Variants in MAGI2 observed in about 807,000 individuals in gnomAD.
The protein encoded by MAGI2 is membrane associated guanylate kinase, WW and PDZ domain containing 2, also known as membrane-associated guanylate kinase, WW and PDZ domain-containing protein 2.
A neutral mutation model predicts 133.3 loss-of-function variants in MAGI2; 35 were observed. The ratio of observed to expected loss-of-function variants is 0.26; its 90% CI spans 0.20 to 0.35. The LOEUF (loss-of-function observed/expected upper bound fraction) is 0.35, where lower values mean the gene tolerates loss of function less well. Ranked by LOEUF, MAGI2 falls within the 10% of genes least tolerant of loss-of-function variation. The probability of loss-of-function intolerance (pLI) is 1.00; values close to 1 mark genes in which losing one functional copy is unlikely to be tolerated. For synonymous variants in MAGI2, 729 were observed against 710.6 expected (o/e 1.03, Z -0.41); for missense variants, 1,636 against 1,863.4 (o/e 0.88, Z 2.25).
intron 2 of MAGI2, among the ~76,000 whole-genome samples, chr7:78,777,803 G>A (rs1047617269): frequency 6.6e-6 from 1 of 152,120 alleles, no homozygotes; most frequent in African/African-American, 2.4e-5. Context: ...AAAGTAAAAT[G>A]GAACATAAAA....
chr7:78,209,436 A>G (rs1325454947), intron 10 of MAGI2, among the ~76,000 whole-genome samples: 2 of 150,790 alleles, frequency 1.3e-5, no homozygotes, highest in Admixed American at 6.6e-5. Context: ...TAAAATTTGT[A>G]TTTTTAGTAG....
intron 10 of MAGI2, among the ~76,000 whole-genome samples, chr7:78,233,547 G>A (rs138391347): frequency 5.3e-5 from 8 of 152,150 alleles, no homozygotes; most frequent in Non-Finnish European, 1.2e-4. Flanking sequence ...TTTATGGTGG[G>A]GTAAATGTAG....
Position 78,775,320 on chromosome 7 carries a change from T to TAAAAAAAAAAAAAAAAAAAAAAAAAA in MAGI2, c.419-148107_419-148082dup, listed in dbSNP as rs3086258. Among the ~76,000 whole-genome samples the TAAAAAAAAAAAAAAAAAAAAAAAAAA allele has an allele frequency of 7.0e-5, 4 of 57,358 alleles. 1 individual carries two copies. Among genetic ancestry groups the TAAAAAAAAAAAAAAAAAAAAAAAAAA allele is most frequent in the Non-Finnish European group, 9.4e-5 (3 of 31,772 alleles). 37.6% of individuals were successfully genotyped at this position (57,358 alleles called of 152,430 possible). A position where few individuals can be genotyped will look rare whatever the true frequency, so the allele number is the denominator to read the frequency against. ...AGAGCGAGACTCTGTCGTCTCAAATTAAAAAAAAAAAAAAAAAAAAAAAAA... is the reference window on the plus strand; with the variant it reads ...AGAGCGAGACTCTGTCGTCTCAAATTAAAAAAAAAAAAAAAAAAAAAAAAAAAAAAAAAAAAAAAAAAAAAAAAAAA... On this transcript the variant is annotated intron_variant, in intron 2 of 21. Transcript: ENST00000354212.
chr7:78,649,222 T>TA lies in MAGI2; in HGVS notation c.419-21984dup, dbSNP rs1361378575. On this transcript the variant is annotated intron_variant, in intron 2 of 21. Transcript: ENST00000354212. ...GTTTCTTTTTTGGGATGACTTGTGG[T>TA]AAAAAAAAAAAAAGAAAAAAAAAGA... Among the ~76,000 whole-genome samples, 84 of 45,044 alleles carry TA rather than the reference T, an allele frequency of 1.9e-3. 8 individuals are homozygous for TA. Among genetic ancestry groups the TA allele is most frequent in the Middle Eastern group, 0.026 (2 of 76 alleles). 29.6% of individuals were successfully genotyped at this position (45,044 alleles called of 152,430 possible). A position where few individuals can be genotyped will look rare whatever the true frequency, so the allele number is the denominator to read the frequency against.
At chr7:79,005,740 C>T (rs1336630624) in intron 2 of MAGI2, among the ~76,000 whole-genome samples, 1 of 152,130 alleles carries the variant, frequency 6.6e-6, no homozygotes, top group African/African-American at 2.4e-5. Context: ...GAAAATGCGT[C>T]CACCCGTTAC....
At chr7:78,932,287 G>T (rs745790976) in intron 2 of MAGI2, among the ~76,000 whole-genome samples, 12 of 152,026 alleles carry the variant, frequency 7.9e-5, no homozygotes, top group Non-Finnish European at 1.5e-4. Context: ...AAAAAGGCCT[G>T]CAGATACCCC....
intron 1 of MAGI2, among the ~76,000 whole-genome samples, chr7:79,383,686 A>T (rs1000112678): frequency 6.6e-6 from 1 of 151,602 alleles, no homozygotes; most frequent in Non-Finnish European, 1.5e-5. Flanking sequence ...GAATCCAAAG[A>T]CAGTTTAATA....
intron 6 of MAGI2, among the ~76,000 whole-genome samples, chr7:78,460,941 AAC>A (rs5885065): frequency 0.31 from 46,399 of 150,100 alleles, 7,119 homozygotes; most frequent in Admixed American, 0.37. Flanking sequence ...GATCTGGTAA[AAC>A]ACACACACAC....
At chr7:78,294,032 T>C (rs541086921) in intron 9 of MAGI2, among the ~76,000 whole-genome samples, 93 of 152,244 alleles carry the variant, frequency 6.1e-4, no homozygotes, top group African/African-American at 2.1e-3. Context: ...ACAAATGTAA[T>C]ACACCTGCAC....
chr7:78,022,449 G>A (rs57785477), intron 21 of MAGI2, among the ~76,000 whole-genome samples: 2,779 of 152,322 alleles, frequency 0.018, 46 homozygotes, highest in East Asian at 0.079. Context: ...CCTGAAGGAG[G>A]AATTGAAGTA....
Position 78,912,964 on chromosome 7 carries a change from A to G in MAGI2, c.418+94126T>C, listed in dbSNP as rs530037564. Among the ~76,000 whole-genome samples the G allele has an allele frequency of 3.3e-5, 5 of 151,884 alleles. No individual in the cohort carries two copies. The East Asian group carries it at 7.8e-4, about 24-fold the overall frequency. ...GAGAGATAGTTAAGCTGAATCCTCAAGAAGAGAAATACAGTTTGGGGGTGG... is the reference window on the plus strand; with the variant it reads ...GAGAGATAGTTAAGCTGAATCCTCAGGAAGAGAAATACAGTTTGGGGGTGG... On this transcript the variant is annotated intron_variant, in intron 2 of 21. Transcript: ENST00000354212.
At chr7:78,388,183 T>C (rs945766215) in intron 6 of MAGI2, among the ~76,000 whole-genome samples, 4 of 152,082 alleles carry the variant, frequency 2.6e-5, no homozygotes, top group African/African-American at 9.7e-5. Context: ...TTATAAGGAA[T>C]AGAGATATAG....
intron 1 of MAGI2, among the ~76,000 whole-genome samples, chr7:79,234,381 G>T (rs1314331593): frequency 6.6e-6 from 1 of 151,920 alleles, no homozygotes. Flanking sequence ...ACAATATCCT[G>T]CAGAGTGTTT....
chr7:78,626,323 G>A (rs533337666), intron 3 of MAGI2, among the ~76,000 whole-genome samples: 40 of 152,030 alleles, frequency 2.6e-4, no homozygotes, highest in African/African-American at 9.6e-4. Context: ...GCATATAAAT[G>A]TTACCCAAAT....
intron 1 of MAGI2, among the ~76,000 whole-genome samples, chr7:79,220,796 T>G (rs1830388054): frequency 6.6e-6 from 1 of 152,052 alleles, no homozygotes; most frequent in African/African-American, 2.4e-5. Flanking sequence ...AAAAACCTGG[T>G]CACAGTGAGG....
chr7:78,156,825 AC>A (rs1824439722), intron 16 of MAGI2, among the ~76,000 whole-genome samples: 2 of 148,210 alleles, frequency 1.3e-5, no homozygotes, highest in African/African-American at 2.5e-5. Context: ...AAAAAAACAA[AC>A]CCAAAAAAAA....
chr7:78,367,712 G>A (rs2151257012), intron 7 of MAGI2, among the ~76,000 whole-genome samples: 1 of 152,246 alleles, frequency 6.6e-6, no homozygotes, highest in Admixed American at 6.5e-5. Context: ...TCCTTACATG[G>A]AATTTCCTTG....
intron 13 of MAGI2, among the ~76,000 whole-genome samples, chr7:78,179,256 T>C (rs1403102986): frequency 6.6e-6 from 1 of 152,216 alleles, no homozygotes; most frequent in Non-Finnish European, 1.5e-5. Context: ...AACAGGATAG[T>C]TGTAGAAATT....
At chr7:79,317,117 G>C (rs933743381) in intron 1 of MAGI2, among the ~76,000 whole-genome samples, 1 of 145,626 alleles carries the variant, frequency 6.9e-6, no homozygotes, top group Non-Finnish European at 1.5e-5. Context: ...CTGCCTCCCC[G>C]GTTCAAGCTA....
Sources: allele counts gnomAD v4.1 joint callset (sites outside exome capture counted in the v4.1 genomes callset), GRCh38; gene constraint gnomAD v4.1.1; transcripts MANE v1.5; gene names NCBI Gene and HGNC (gene_info 2026-07-23, HGNC 2026-07-21).